The following NR4A1 variants were observed in gnomAD, a reference collection of about 807,000 sequenced individuals.
NR4A1 encodes nuclear receptor subfamily 4 group A member 1, also known as nuclear receptor subfamily 4immunitygroup A member 1.
NR4A1 carries 24 observed loss-of-function variants against 47.5 expected under a neutral mutation model. The observed-to-expected ratio is 0.50, with a 90% CI of 0.37 to 0.71. The LOEUF is 0.71. Among genes scored for constraint, NR4A1 ranks in the 30% least tolerant of loss-of-function variants. The pLI is 0.00. For synonymous variants in NR4A1, 353 were observed against 345.7 expected, an observed-to-expected ratio of 1.02 and a Z score of -0.24; for missense variants, 669 against 788.6, an observed-to-expected ratio of 0.85 and a Z score of 1.82.
At chr12:52,055,456 A>G in intron 2 of NR4A1, 1 of 594,874 alleles carries the variant, frequency 1.7e-6, no homozygotes, top group Non-Finnish European at 3.0e-6. Context: ...AGGGGCAGAT[A>G]GGAGCTGCAG....
At chr12:52,048,052 G>A (rs1349075351), upstream of NR4A1, among the ~76,000 whole-genome samples, 1 of 151,740 alleles carries the variant, frequency 6.6e-6, no homozygotes, top group Non-Finnish European at 1.5e-5. Flanking sequence ...TACTCAGGAG[G>A]CTGAGGCAGG....
At chr12:52,026,561 C>T (rs754383766) in intron 1 of NR4A1, among the ~76,000 whole-genome samples, 8 of 152,204 alleles carry the variant, frequency 5.3e-5, no homozygotes, top group Non-Finnish European at 7.3e-5. Flanking sequence ...CCGTTCTACA[C>T]AAGGAAACTG....
At chr12:52,044,205 A>G (rs749855039) in intron 2 of NR4A1, among the ~76,000 whole-genome samples, 16 of 152,206 alleles carry the variant, frequency 1.1e-4, no homozygotes, top group Non-Finnish European at 1.5e-4. Context: ...CCCCGCCTGG[A>G]TGAGGCACTG....
intron 1 of NR4A1, among the ~76,000 whole-genome samples, chr12:52,033,838 C>T (rs115194508): frequency 0.017 from 2,588 of 152,320 alleles, 78 homozygotes; most frequent in African/African-American, 0.059. Context: ...GAAGGGAATC[C>T]CTTCCACAGC....
At chr12:52,023,377 G>A (rs1214080798) in intron 1 of NR4A1, among the ~76,000 whole-genome samples, 1 of 152,206 alleles carries the variant, frequency 6.6e-6, no homozygotes, top group African/African-American at 2.4e-5. Context: ...GCCGCCGCGA[G>A]TGGGGTGGGA....
intron 1 of NR4A1, among the ~76,000 whole-genome samples, chr12:52,052,268 C>CGTGTGTGTGTGTGTGTGTGTGTGT (rs60552358): frequency 7.7e-6 from 1 of 129,920 alleles, no homozygotes; most frequent in African/African-American, 3.2e-5. Context: ...GCTTGGATCA[C>CGTGTGTGTGTGTGTGTGTGTGTGT]GTGTGTGTGT....
chr12:52,039,624 C>G (rs1938364550), intron 1 of NR4A1, among the ~76,000 whole-genome samples: 1 of 152,246 alleles, frequency 6.6e-6, no homozygotes, highest in Non-Finnish European at 1.5e-5. Context: ...GCATCCACCA[C>G]CCTTCCACGC....
At chr12:52,051,712 A>C in intron 1 of NR4A1, 144 bp downstream of exon 1, 2 of 500,754 alleles carry the variant, frequency 4.0e-6, no homozygotes, top group African/African-American at 2.1e-5. Context: ...CGGGATGAGA[A>C]CCCAGGTCAG....
chr12:52,056,351 G>GT (rs751421013), intron 3 of NR4A1, 143 bp from the exon 4 acceptor site: 25 of 1,379,584 alleles, frequency 1.8e-5, no homozygotes, highest in Non-Finnish European at 2.3e-5. Context: ...GCAGGGGGAG[G>GT]TTCCTATAGG....
At chr12:52,036,621 C>T (rs1264155548) in intron 1 of NR4A1, among the ~76,000 whole-genome samples, 1 of 152,248 alleles carries the variant, frequency 6.6e-6, no homozygotes, top group Non-Finnish European at 1.5e-5. Context: ...ACCCCCGCCT[C>T]GGGAAGTGCC....
intron 1 of NR4A1, among the ~76,000 whole-genome samples, chr12:52,023,710 C>T (rs1232232482): frequency 1.3e-5 from 2 of 152,094 alleles, no homozygotes; most frequent in East Asian, 3.9e-4. Context: ...GCTGCTCCTC[C>T]TCCTGCCCCG....
rs1456480523 is a variant in NR4A1 at position 52,058,985 on chromosome 12, T to C, written c.*41T>C. 6 of 1,575,118 alleles carry C rather than the reference T, an allele frequency of 3.8e-6. No individual in the cohort carries two copies. The highest frequency in any genetic ancestry group is 1.7e-5 in the Admixed American group (1 of 58,312). On this transcript the variant is annotated 3_prime_UTR_variant, in exon 7 of 7. Transcript: ENST00000394825. ...ACGTGTGCACATGCGCACTCTCATA[T>C]GCCACCCCATGTGCCTTTAGTCCAC...
At position 52,038,028 on chromosome 12, in the gene NR4A1, A is replaced by G. The variant is rs1385920438; in HGVS notation, c.-83-3782A>G. 7.1e-6 allele frequency: 7 copies of G among 985,964 alleles called. No individual in the cohort carries two copies. In the East Asian group the frequency reaches 6.8e-4, roughly 96 times the overall value. 61.1% of individuals were successfully genotyped at this position (985,964 alleles called of 1,614,324 possible). ...GGTCTGGCTGTGTGGAGGGCAGGGCACAGTTCCTTGACTTGGCTCATTCCC... is the reference window on the plus strand; with the variant it reads ...GGTCTGGCTGTGTGGAGGGCAGGGCGCAGTTCCTTGACTTGGCTCATTCCC... On this transcript the variant is annotated intron_variant, in intron 1 of 7. Transcript: ENST00000360284.
chr12:52,051,707 T>G (rs1938960707), intron 1 of NR4A1, 139 bp downstream of exon 1: 1 of 546,476 alleles, frequency 1.8e-6, no homozygotes, highest in Non-Finnish European at 2.3e-6. Flanking sequence ...CACAACGGGA[T>G]GAGAACCCAG....
At chr12:52,047,497 C>A (rs937991018), upstream of NR4A1, among the ~76,000 whole-genome samples, 1 of 152,228 alleles carries the variant, frequency 6.6e-6, no homozygotes, top group Non-Finnish European at 1.5e-5. Context: ...TTGCCTTTTT[C>A]TCCTTATTTA....
rs777261727 is a variant in NR4A1, at chr12:52,054,731, C to T, written c.403C>T (p.Pro135Ser). ...CAGTGGCTCTGACTACTATGGCAGC[C>T]CCTGCTCGGCCCCGTCGCCCTCCAC... ...SSSGSDYYGS[P>S]CSAPSPSTPS... Residue 135 changes from proline to serine, a missense_variant, in exon 2 of 7, where the codon CCC (proline) becomes TCC (serine). Transcript: ENST00000394825. 1.9e-6 allele frequency: 3 copies of T among 1,613,158 alleles called. No homozygotes were observed. The highest frequency in any genetic ancestry group is 2.5e-6 in the Non-Finnish European group (3 of 1,180,006).
intron 1 of NR4A1, among the ~76,000 whole-genome samples, chr12:52,026,836 G>C (rs1266545062): frequency 6.6e-6 from 1 of 152,110 alleles, no homozygotes; most frequent in African/African-American, 2.4e-5. Context: ...AGGGGCTTCA[G>C]GAATGTGCAC....
chr12:52,032,790 G>A (rs1162785738), intron 1 of NR4A1, among the ~76,000 whole-genome samples: 4 of 152,094 alleles, frequency 2.6e-5, no homozygotes, highest in African/African-American at 9.7e-5. Flanking sequence ...TCCAAGCAGC[G>A]AGGTGTATCT....
intron 4 of NR4A1, 98 bp from the exon 5 acceptor site, chr12:52,056,959 C>A: frequency 8.5e-7 from 1 of 1,177,902 alleles, no homozygotes; most frequent in Non-Finnish European, 1.2e-6. Flanking sequence ...TCCACTCCCA[C>A]TCCCGGGATC....
Sources: gnomAD v4.1 joint callset for allele counts (sites outside exome capture counted in the v4.1 genomes callset) on GRCh38, gnomAD v4.1.1 for gene constraint, MANE v1.5 for transcripts, NCBI Gene and HGNC (gene_info 2026-07-23, HGNC 2026-07-21) for gene names.